UBE2D2: variants seen among roughly 807,000 people sequenced by gnomAD.
The protein encoded by UBE2D2 is ubiquitin-conjugating enzyme E2 D2.
UBE2D2 carries 2 observed loss-of-function variants against 24.2 expected under a neutral mutation model. The observed-to-expected ratio is 0.08, with a 90% CI of 0.03 to 0.26. The LOEUF (loss-of-function observed/expected upper bound fraction) is 0.26. Ranked by LOEUF, UBE2D2 falls within the 10% of genes least tolerant of loss-of-function variation. The pLI is 1.00. For missense variants in UBE2D2, 44 were observed against 177.6 expected (o/e 0.25, Z 4.28); for synonymous variants, 58 against 56.5 (o/e 1.03, Z -0.12).
At chr5:139,528,163 A>G (rs958107677) in intron 1 of UBE2D2, among the ~76,000 whole-genome samples, 1 of 152,220 alleles carries the variant, frequency 6.6e-6, no homozygotes, top group African/African-American at 2.4e-5. Context: ...GAAGGGATGC[A>G]GTGAGCTTAA....
At chr5:139,594,446 C>T (rs1446052172) in intron 1 of UBE2D2, among the ~76,000 whole-genome samples, 4 of 151,890 alleles carry the variant, frequency 2.6e-5, no homozygotes, top group Admixed American at 2.6e-4. Flanking sequence ...GAGACACAGT[C>T]TCTATTGCCC....
intron 1 of UBE2D2, among the ~76,000 whole-genome samples, chr5:139,596,775 G>A (rs1015206703): frequency 5.9e-5 from 9 of 151,552 alleles, no homozygotes; most frequent in Non-Finnish European, 1.0e-4. Flanking sequence ...GGCCAGGTGC[G>A]GTGGCTCACT....
At chr5:139,562,835 T>G (rs1234097166) in intron 1 of UBE2D2, among the ~76,000 whole-genome samples, 1 of 152,084 alleles carries the variant, frequency 6.6e-6, no homozygotes, top group Admixed American at 6.6e-5. Flanking sequence ...CACTTTCATG[T>G]TTTTTTTCTT....
At chr5:139,540,576 C>G (rs914778865) in intron 1 of UBE2D2, among the ~76,000 whole-genome samples, 1 of 150,650 alleles carries the variant, frequency 6.6e-6, no homozygotes, top group African/African-American at 2.4e-5. Flanking sequence ...TAATAGCTAT[C>G]TAATTATCTG....
At chr5:139,594,508 G>T (rs1475877306) in intron 1 of UBE2D2, among the ~76,000 whole-genome samples, 1 of 151,896 alleles carries the variant, frequency 6.6e-6, no homozygotes, top group Admixed American at 6.6e-5. Context: ...CTGCCTCACG[G>T]GTTCTAGCGA....
intron 1 of UBE2D2, among the ~76,000 whole-genome samples, chr5:139,589,821 G>A (rs1753806049): frequency 2.0e-5 from 3 of 151,964 alleles, no homozygotes; most frequent in South Asian, 2.1e-4. Flanking sequence ...GTCTTGCTCC[G>A]TCGCCCAGGC....
At chr5:139,535,743 T>G (rs1177608845) in intron 1 of UBE2D2, among the ~76,000 whole-genome samples, 7 of 152,234 alleles carry the variant, frequency 4.6e-5, no homozygotes, top group Non-Finnish European at 1.5e-5. Context: ...ATATTTATGA[T>G]ATACATTTTT....
chr5:139,621,491 T>A (rs1754512960), intron 5 of UBE2D2, among the ~76,000 whole-genome samples: 1 of 152,246 alleles, frequency 6.6e-6, no homozygotes, highest in African/African-American at 2.4e-5. Context: ...TGTTCTTGAT[T>A]TAGACTGAAT....
At chr5:139,560,790 C>T (rs1561502034), upstream of UBE2D2, among the ~76,000 whole-genome samples, 1 of 152,178 alleles carries the variant, frequency 6.6e-6, no homozygotes, top group Non-Finnish European at 1.5e-5. Context: ...ACATTCAAAT[C>T]CTCTCCATCT....
intron 2 of UBE2D2, among the ~76,000 whole-genome samples, chr5:139,607,887 C>A (rs760690370): frequency 6.6e-6 from 1 of 151,980 alleles, no homozygotes; most frequent in Non-Finnish European, 1.5e-5. Context: ...GTGACACTTG[C>A]CTGTAGTCCC....
At chr5:139,622,330 C>G (rs989188931) in intron 5 of UBE2D2, among the ~76,000 whole-genome samples, 1 of 151,542 alleles carries the variant, frequency 6.6e-6, no homozygotes, top group African/African-American at 2.4e-5. Flanking sequence ...CTGCAACCTC[C>G]ACCTCCCAGG....
At chr5:139,533,987 T>C (rs1410071281) in intron 1 of UBE2D2, among the ~76,000 whole-genome samples, 1 of 151,646 alleles carries the variant, frequency 6.6e-6, no homozygotes, top group Non-Finnish European at 1.5e-5. Flanking sequence ...TTCACCATTT[T>C]GGCCAGGCTG....
intron 1 of UBE2D2, among the ~76,000 whole-genome samples, chr5:139,547,795 A>T (rs1196342352): frequency 6.6e-6 from 1 of 151,862 alleles, no homozygotes; most frequent in Non-Finnish European, 1.5e-5. Flanking sequence ...CTCAGGTTCA[A>T]GTGATTCTCC....
chr5:139,571,312 C>G (rs1561506368), intron 1 of UBE2D2, among the ~76,000 whole-genome samples: 1 of 150,480 alleles, frequency 6.6e-6, no homozygotes, highest in Non-Finnish European at 1.5e-5. Context: ...GAGGCTGAGG[C>G]AGGAGAATCA....
rs527410224 is a variant in UBE2D2 at position 139,526,540 on chromosome 5, C to T, written c.-136C>T. ...CGCCAGAGCAGCGTGTAGCAGGCCCCCGCGGAGGATTAACACAGTGGCTGA... is the reference window on the plus strand; with the variant it reads ...CGCCAGAGCAGCGTGTAGCAGGCCCTCGCGGAGGATTAACACAGTGGCTGA... On this transcript the variant is annotated 5_prime_UTR_variant, in exon 1 of 7. Transcript: ENST00000511725. 3.9e-5 allele frequency: 6 copies of T among 152,380 alleles called. No homozygotes were observed. In the East Asian group the frequency reaches 1.2e-3, roughly 29 times the overall value. The allele number at this position is 152,380 out of a possible 1,614,324, so 9.4% of individuals were successfully genotyped here. A position where few individuals can be genotyped will look rare whatever the true frequency, so the allele number is the denominator to read the frequency against.
At chr5:139,579,985 G>A (rs1753559014) in intron 1 of UBE2D2, among the ~76,000 whole-genome samples, 1 of 151,698 alleles carries the variant, frequency 6.6e-6, no homozygotes, top group Admixed American at 6.6e-5. Flanking sequence ...AGGCAGAGTT[G>A]CAGTGAGCTG....
chr5:139,545,305 G>T (rs997619396), intron 1 of UBE2D2, among the ~76,000 whole-genome samples: 18 of 150,970 alleles, frequency 1.2e-4, no homozygotes, highest in African/African-American at 4.4e-4. Context: ...TGGACTCAAG[G>T]TATCCTCCTG....
At chr5:139,584,992 T>C (rs1360631683) in intron 1 of UBE2D2, among the ~76,000 whole-genome samples, 1 of 151,112 alleles carries the variant, frequency 6.6e-6, no homozygotes, top group Non-Finnish European at 1.5e-5. Flanking sequence ...CCTCCATCTC[T>C]TGGGTTCAAG....
chr5:139,613,166 A>G (rs375380961), intron 2 of UBE2D2, among the ~76,000 whole-genome samples: 2 of 152,344 alleles, frequency 1.3e-5, no homozygotes, highest in African/African-American at 4.8e-5. Context: ...TTTAGGTTCA[A>G]GTCCCAGTGA....
Sources: allele counts gnomAD v4.1 joint callset (sites outside exome capture counted in the v4.1 genomes callset), GRCh38; gene constraint gnomAD v4.1.1; transcripts MANE v1.5; gene names NCBI Gene and HGNC (gene_info 2026-07-23, HGNC 2026-07-21).